The following PHF24 variants were observed in gnomAD, a reference collection of about 807,000 sequenced individuals.
PHF24 encodes the protein Galpha inhibitory interacting protein.
PHF24 carries 25 observed loss-of-function variants against 42.6 expected under a neutral mutation model. The observed-to-expected ratio is 0.59, with a 90% CI of 0.43 to 0.82. PHF24 has a LOEUF of 0.82. PHF24 is among the 40% of genes least tolerant of loss of function. The probability of loss-of-function intolerance (pLI) is 0.00; values close to 1 mark genes in which losing one functional copy is unlikely to be tolerated. For synonymous variants in PHF24, 185 were observed against 204.8 expected (o/e 0.90, Z 0.83); for missense variants, 470 against 538.1 (o/e 0.87, Z 1.25).
the PHF24 span, among the ~76,000 whole-genome samples, chr9:34,752,819 A>G: frequency 2.0e-5 from 3 of 152,190 alleles, no homozygotes; most frequent in Non-Finnish European, 2.9e-5. Flanking sequence ...TCAACAATGC[A>G]TTGAAAAGAT....
the PHF24 span, among the ~76,000 whole-genome samples, chr9:34,923,903 T>C: frequency 6.6e-6 from 1 of 152,066 alleles, no homozygotes; most frequent in African/African-American, 2.4e-5. Context: ...AGTTTGTTTA[T>C]TTGAAGTTTT....
At chr9:34,937,009 G>A in the PHF24 span, among the ~76,000 whole-genome samples, 9 of 138,656 alleles carry the variant, frequency 6.5e-5, no homozygotes, top group Admixed American at 1.4e-4. Flanking sequence ...CAGCCGCCCC[G>A]TCCGGGAGGG....
the PHF24 span, among the ~76,000 whole-genome samples, chr9:34,884,641 A>G: frequency 6.6e-6 from 1 of 152,182 alleles, no homozygotes; most frequent in African/African-American, 2.4e-5. Context: ...GAGGAGAGGG[A>G]CTAGAATTTG....
chr9:34,837,662 G>A, the PHF24 span: 1 of 1,522,130 alleles, frequency 6.6e-7, no homozygotes, highest in Non-Finnish European at 8.9e-7. Flanking sequence ...ACCTGTTGAT[G>A]CTGCATCTCT....
exon 8 of PHF24, chr9:34,980,987 G>T (rs1368338400): frequency 6.6e-6 from 1 of 152,300 alleles, no homozygotes; most frequent in African/African-American, 2.4e-5. Flanking sequence ...AGTGGCCCTG[G>T]CCACAAAACC....
the PHF24 span, among the ~76,000 whole-genome samples, chr9:34,915,649 T>C: frequency 0.018 from 2,763 of 152,292 alleles, 87 homozygotes; most frequent in African/African-American, 0.063. Context: ...TGTGGACATT[T>C]CTTTTGTGGA....
the PHF24 span, among the ~76,000 whole-genome samples, chr9:34,667,142 G>A: frequency 6.6e-6 from 1 of 152,198 alleles, no homozygotes; most frequent in African/African-American, 2.4e-5. Context: ...CTGCCCCAGA[G>A]CTCTGACATC....
the PHF24 span, among the ~76,000 whole-genome samples, chr9:34,886,736 A>ATATCTATCTATC: frequency 6.1e-5 from 9 of 148,146 alleles, no homozygotes; most frequent in African/African-American, 1.8e-4. Flanking sequence ...TCATGGTTTT[A>ATATCTATCTATC]TATCTATCTA....
At chr9:34,966,582 C>A (rs191226928) in intron 1 of PHF24, among the ~76,000 whole-genome samples, 24 of 150,620 alleles carry the variant, frequency 1.6e-4, no homozygotes, top group Admixed American at 1.1e-3. Context: ...ATGGCGAGAC[C>A]CCCCCCCTCG....
the PHF24 span, among the ~76,000 whole-genome samples, chr9:34,911,956 G>T: frequency 6.6e-6 from 1 of 152,162 alleles, no homozygotes; most frequent in South Asian, 2.1e-4. Flanking sequence ...CTGAGTCGGG[G>T]AACTATATAG....
chr9:34,805,893 G>A, the PHF24 span, among the ~76,000 whole-genome samples: 5 of 152,118 alleles, frequency 3.3e-5, no homozygotes, highest in African/African-American at 1.2e-4. Context: ...TGAGGTAAGG[G>A]TCCAAATTCA....
At chr9:34,935,945 T>C in the PHF24 span, among the ~76,000 whole-genome samples, 3 of 151,502 alleles carry the variant, frequency 2.0e-5, no homozygotes, top group Non-Finnish European at 4.4e-5. Context: ...GTTTCAGCAG[T>C]GGGGTGAAGT....
the PHF24 span, among the ~76,000 whole-genome samples, chr9:34,685,976 T>C: frequency 6.6e-6 from 1 of 152,214 alleles, no homozygotes; most frequent in African/African-American, 2.4e-5. Flanking sequence ...TTGTCTATCC[T>C]GGGCAGGCGA....
the PHF24 span, among the ~76,000 whole-genome samples, chr9:34,886,308 A>C: frequency 6.6e-6 from 1 of 150,882 alleles, no homozygotes; most frequent in African/African-American, 2.4e-5. Flanking sequence ...CTTCACCTCT[A>C]TGAAACAAAA....
chr9:34,818,480 A>G, the PHF24 span, among the ~76,000 whole-genome samples: 1 of 152,192 alleles, frequency 6.6e-6, no homozygotes, highest in South Asian at 2.1e-4. Context: ...GATTACATTA[A>G]CTGATTTTCA....
At chr9:34,939,083 C>T in the PHF24 span, among the ~76,000 whole-genome samples, 2 of 151,990 alleles carry the variant, frequency 1.3e-5, no homozygotes, top group African/African-American at 2.4e-5. Context: ...GAGTTCAAGA[C>T]CAGCCTGACC....
At chr9:34,728,339 G>A in the PHF24 span, among the ~76,000 whole-genome samples, 3 of 152,328 alleles carry the variant, frequency 2.0e-5, no homozygotes, top group East Asian at 5.8e-4. Flanking sequence ...AATGAGAGAT[G>A]AAATGACTTC....
chr9:34,721,943 G>A, the PHF24 span, among the ~76,000 whole-genome samples: 1 of 152,140 alleles, frequency 6.6e-6, no homozygotes, highest in African/African-American at 2.4e-5. Context: ...GCCACTGCTT[G>A]TCAGTTTCCT....
chr9:34,708,118 C>A, the PHF24 span, among the ~76,000 whole-genome samples: 26 of 152,126 alleles, frequency 1.7e-4, no homozygotes, highest in Non-Finnish European at 3.7e-4. Flanking sequence ...TCTACTCTCC[C>A]CGCCTGGAGG....
Sources: allele counts gnomAD v4.1 joint callset (sites outside exome capture counted in the v4.1 genomes callset), GRCh38; gene constraint gnomAD v4.1.1; transcripts MANE v1.5; gene names NCBI Gene and HGNC (gene_info 2026-07-23, HGNC 2026-07-21).